SCEL: variants seen among roughly 807,000 people sequenced by gnomAD.
SCEL encodes sciellin.
In SCEL, 113 loss-of-function variants were observed where a neutral mutation model predicts 117.6. The observed-to-expected ratio is 0.96, with a 90% CI of 0.83 to 1.12. The LOEUF (loss-of-function observed/expected upper bound fraction) is 1.12. Ranked by LOEUF, SCEL falls within the 50% of genes most tolerant of loss-of-function variation. SCEL has a pLI of 0.00. For missense variants in SCEL, 785 were observed against 810.8 expected (o/e 0.97, Z 0.39); for synonymous variants, 270 against 256.2 (o/e 1.05, Z -0.51).
intron 27 of SCEL, among the ~76,000 whole-genome samples, chr13:77,621,433 A>G (rs929931147): frequency 3.3e-5 from 5 of 152,142 alleles, no homozygotes; most frequent in Non-Finnish European, 5.9e-5. Flanking sequence ...TCCTTTAGGT[A>G]TCAGCTTAGG....
intron 1 of SCEL, among the ~76,000 whole-genome samples, chr13:77,548,861 C>T (rs1437707808): frequency 6.6e-6 from 1 of 152,158 alleles, no homozygotes; most frequent in Non-Finnish European, 1.5e-5. Context: ...CCAATTAAAC[C>T]TCTTTCCTTT....
intron 27 of SCEL, among the ~76,000 whole-genome samples, chr13:77,621,471 C>T (rs2089417594): frequency 6.6e-6 from 1 of 152,158 alleles, no homozygotes; most frequent in Admixed American, 6.5e-5. Context: ...CTGGGAAGCC[C>T]CCCTGACCCA....
intron 9 of SCEL, among the ~76,000 whole-genome samples, chr13:77,572,889 G>A (rs1396636284): frequency 1.3e-5 from 2 of 152,184 alleles, no homozygotes; most frequent in Non-Finnish European, 2.9e-5. Flanking sequence ...CCTTAACAGT[G>A]ACAGTGGGAG....
chr13:77,623,046 G>A (rs2089510877), intron 27 of SCEL, among the ~76,000 whole-genome samples: 1 of 152,182 alleles, frequency 6.6e-6, no homozygotes, highest in South Asian at 2.1e-4. Flanking sequence ...TTGGAATCAA[G>A]CCTCTGCTTA....
At chr13:77,622,695 C>G (rs1416379147) in intron 27 of SCEL, among the ~76,000 whole-genome samples, 2 of 152,198 alleles carry the variant, frequency 1.3e-5, no homozygotes, top group Admixed American at 6.5e-5. Flanking sequence ...GTCCCTGTCT[C>G]TACAAAAATT....
At chr13:77,622,939 G>T (rs191278569) in intron 27 of SCEL, among the ~76,000 whole-genome samples, 1 of 152,162 alleles carries the variant, frequency 6.6e-6, no homozygotes, top group Non-Finnish European at 1.5e-5. Context: ...TGTAACTACA[G>T]AAAGTTGGTG....
chr13:77,548,886 C>G (rs1457618915), intron 1 of SCEL, among the ~76,000 whole-genome samples: 1 of 152,166 alleles, frequency 6.6e-6, no homozygotes, highest in Admixed American at 6.5e-5. Flanking sequence ...ATTACCCAGT[C>G]TTGGGTATGT....
intron 12 of SCEL, among the ~76,000 whole-genome samples, chr13:77,594,445 C>G (rs1258087441): frequency 2.0e-5 from 3 of 152,228 alleles, no homozygotes; most frequent in African/African-American, 7.2e-5. Context: ...AGCCACCATG[C>G]CAATCCATCC....
In SCEL at chr13:77,617,776, G is replaced by T. The variant is rs769537352; in HGVS notation, c.1512-27G>T. ...ACCAAAAGAACTTCAAAATTAACCT[G>T]CTCTCATTTTATTTTTTGATTTAAA... is the stretch of plus-strand genomic sequence containing the variant. On this transcript the variant is annotated intron_variant, in intron 25 of 32. Coordinates refer to ENST00000349847, the MANE Select transcript of SCEL (RefSeq NM_144777.3). 10 of 1,576,344 alleles carry T rather than the reference G, an allele frequency of 6.3e-6. No homozygotes were observed. The South Asian group carries it at 1.0e-4, about 16-fold the overall frequency.
At chr13:77,604,040 A>G (rs3818348) in intron 18 of SCEL, among the ~76,000 whole-genome samples, 69,709 of 151,908 alleles carry the variant, frequency 0.46, 17,432 homozygotes, top group Middle Eastern at 0.55. Flanking sequence ...TGTTATTTCA[A>G]TGCTGCCTGC....
chr13:77,599,739 A>G lies in SCEL; in HGVS notation c.908A>G (p.Asp303Gly). Residue 303 changes from aspartate (D) to glycine (G), a missense_variant, in exon 15 of 33, where the codon GAT becomes GGT. Coordinates refer to ENST00000349847, the MANE Select transcript of SCEL (RefSeq NM_144777.3). Reference protein sequence around the residue: ...LIYMSTRTDKDGKGIQSLGSP... With the variant: ...LIYMSTRTDKGGKGIQSLGSP... The stretch of plus-strand genomic sequence containing the variant: ...TATATGAGTACCCGGACAGATAAAG[A>G]TGGCAAAGGGTAAGATTTTATTAAG... 2.5e-6 allele frequency: 4 copies of G among 1,609,668 alleles called. No individual in the cohort carries two copies. The highest frequency in any genetic ancestry group is 3.4e-6 in the Non-Finnish European group (4 of 1,175,924).
intron 18 of SCEL, 30 bp downstream of exon 18, chr13:77,603,165 T>C: frequency 7.4e-7 from 1 of 1,358,738 alleles, no homozygotes; most frequent in Non-Finnish European, 1.0e-6. Context: ...TTAATTATGG[T>C]TTCTGTTAAG....
At chr13:77,584,256 C>T (rs888787902) in intron 9 of SCEL, among the ~76,000 whole-genome samples, 13 of 152,176 alleles carry the variant, frequency 8.5e-5, no homozygotes, top group South Asian at 2.1e-4. Context: ...GCTCCTGGCA[C>T]GACATGAATG....
At chr13:77,618,242 A>T (rs2089208642) in intron 27 of SCEL, among the ~76,000 whole-genome samples, 182 bp downstream of exon 27, 1 of 151,080 alleles carries the variant, frequency 6.6e-6, no homozygotes, top group African/African-American at 2.4e-5. Flanking sequence ...GCACAGTAGC[A>T]CAATCATAGC....
Position 77,597,539 on chromosome 13 carries a change from C to A in SCEL, c.753-6C>A. 1.3e-6 allele frequency: 2 copies of A among 1,482,660 alleles called. No individual in the cohort carries two copies. The highest frequency in any genetic ancestry group is 1.2e-5 in the South Asian group (1 of 80,694). 91.8% of individuals were successfully genotyped at this position (1,482,660 alleles called of 1,614,324 possible). On this transcript the variant is annotated splice_polypyrimidine_tract_variant and splice_region_variant and intron_variant, in intron 12 of 32. Transcript: ENST00000349847. ...TAATGTTAAACATTTTTTTCTCTTC[C>A]CAAAGTGAAGAATTGGATAATCTCA...
intron 28 of SCEL, among the ~76,000 whole-genome samples, 161 bp downstream of exon 28, chr13:77,628,170 G>GTGTATATATATATATATATATATATA: frequency 7.2e-6 from 1 of 139,742 alleles, no homozygotes; most frequent in South Asian, 2.3e-4. Context: ...ATATGTGTGT[G>GTGTATATATATATATATATATATATA]TATATATATA....
At chr13:77,545,231 A>C (rs977264460) in intron 1 of SCEL, among the ~76,000 whole-genome samples, 1 of 152,228 alleles carries the variant, frequency 6.6e-6, no homozygotes, top group African/African-American at 2.4e-5. Flanking sequence ...GAAGCTAAAA[A>C]CTTAATTGGA....
At chr13:77,565,509 A>G (rs532989023) in intron 5 of SCEL, among the ~76,000 whole-genome samples, 42 of 152,314 alleles carry the variant, frequency 2.8e-4, no homozygotes, top group African/African-American at 9.4e-4. Flanking sequence ...AAGGCACTAA[A>G]TGTGGAAATA....
intron 8 of SCEL, 27 bp from the exon 9 acceptor site, chr13:77,572,097 G>A: frequency 1.2e-6 from 2 of 1,600,220 alleles, no homozygotes; most frequent in Non-Finnish European, 1.7e-6. Flanking sequence ...CAATCACAAT[G>A]TTTATTACCG....
Sources: gnomAD v4.1 joint callset for allele counts (sites outside exome capture counted in the v4.1 genomes callset) on GRCh38, gnomAD v4.1.1 for gene constraint, MANE v1.5 for transcripts, NCBI Gene and HGNC (gene_info 2026-07-23, HGNC 2026-07-21) for gene names.